Variants in BAZ2B observed in about 807,000 individuals in gnomAD.
BAZ2B encodes the protein bromodomain adjacent to zinc finger domain protein 2B.
Under a neutral mutation model 246.0 loss-of-function variants are expected in BAZ2B, and 91 were observed. The observed-to-expected ratio is 0.37, with a 90% confidence interval of 0.31 to 0.44. BAZ2B has a LOEUF of 0.44. Ranked by LOEUF, BAZ2B falls within the 20% of genes least tolerant of loss-of-function variation. BAZ2B has a pLI of 1.00. For synonymous variants in BAZ2B, 855 were observed against 860.0 expected (o/e 0.99, Z 0.10); for missense variants, 2,332 against 2,533.7 (o/e 0.92, Z 1.71).
intron 1 of BAZ2B, among the ~76,000 whole-genome samples, chr2:159,572,278 C>A (rs1684216479): frequency 6.6e-6 from 1 of 152,142 alleles, no homozygotes; most frequent in South Asian, 2.1e-4. Flanking sequence ...GAGTCTCTAG[C>A]AAATAACTGA....
chr2:159,382,284 A>C (rs1429655644), intron 25 of BAZ2B, among the ~76,000 whole-genome samples: 4 of 152,174 alleles, frequency 2.6e-5, no homozygotes, highest in Admixed American at 2.0e-4. Context: ...AAATCTGCAT[A>C]TCTCTTTGGA....
chr2:159,657,807 C>T, the BAZ2B span, among the ~76,000 whole-genome samples: 3 of 152,166 alleles, frequency 2.0e-5, no homozygotes, highest in Non-Finnish European at 2.9e-5. Flanking sequence ...ATATTCACTT[C>T]GTATCGTGCA....
Position 159,537,490 on chromosome 2 carries a change from T to G in BAZ2B, c.-3+18333A>C, listed in dbSNP as rs114049645. The stretch of plus-strand genomic sequence containing the variant: ...TCTAACTAATTGAACAGACTTTGTA[T>G]GTTTAATGAATGTTTAATAAACATT... On this transcript the variant is annotated intron_variant, in intron 2 of 36. Coordinates refer to ENST00000392783, the MANE Select transcript of BAZ2B (RefSeq NM_013450.4). 9.9e-3 allele frequency among the ~76,000 whole-genome samples: 1,511 copies of G among 152,368 alleles called. 33 individuals carry two copies. The highest frequency in any genetic ancestry group is 0.035 in the African/African-American group (1,452 of 41,574).
chr2:159,490,174 T>C (rs1414400989), intron 2 of BAZ2B, among the ~76,000 whole-genome samples: 1 of 152,204 alleles, frequency 6.6e-6, no homozygotes, highest in Admixed American at 6.5e-5. Flanking sequence ...TTGTAAATAC[T>C]AAATTTACTT....
chr2:159,628,330 A>T, the BAZ2B span, among the ~76,000 whole-genome samples: 1 of 152,236 alleles, frequency 6.6e-6, no homozygotes, highest in African/African-American at 2.4e-5. Flanking sequence ...TTTAAATTTC[A>T]TATGGAACCA....
At chr2:159,413,743 A>G (rs148157359) in intron 13 of BAZ2B, among the ~76,000 whole-genome samples, 1 of 152,272 alleles carries the variant, frequency 6.6e-6, no homozygotes, top group Non-Finnish European at 1.5e-5. Context: ...TAAACTGTTA[A>G]GAAAATTTGA....
At chr2:159,671,026 T>G in the BAZ2B span, among the ~76,000 whole-genome samples, 1 of 152,230 alleles carries the variant, frequency 6.6e-6, no homozygotes, top group Non-Finnish European at 1.5e-5. Context: ...TAAAGCAAAC[T>G]TTTCTCTGTC....
At chr2:159,454,424 C>A (rs1213280360) in intron 3 of BAZ2B, among the ~76,000 whole-genome samples, 1 of 152,194 alleles carries the variant, frequency 6.6e-6, no homozygotes, top group Non-Finnish European at 1.5e-5. Flanking sequence ...CAGTCTACCA[C>A]ACACCTAGGC....
chr2:159,421,071 A>C (rs2150047596), intron 13 of BAZ2B, among the ~76,000 whole-genome samples: 1 of 152,344 alleles, frequency 6.6e-6, no homozygotes, highest in African/African-American at 2.4e-5. Flanking sequence ...ATATGCTGAA[A>C]AGTAGCCGAT....
At chr2:159,638,487 A>T in the BAZ2B span, among the ~76,000 whole-genome samples, 1 of 152,250 alleles carries the variant, frequency 6.6e-6, no homozygotes, top group South Asian at 2.1e-4. Context: ...AGGAAGCTTC[A>T]AAGAATTCAA....
intron 1 of BAZ2B, among the ~76,000 whole-genome samples, chr2:159,566,907 G>T (rs1682736294): frequency 6.6e-6 from 1 of 152,046 alleles, no homozygotes; most frequent in African/African-American, 2.4e-5. Flanking sequence ...AGGAAACGGA[G>T]AAAGAAAAAT....
intron 1 of BAZ2B, among the ~76,000 whole-genome samples, chr2:159,581,572 G>A (rs1196580951): frequency 1.3e-5 from 2 of 152,028 alleles, no homozygotes; most frequent in African/African-American, 2.4e-5. Flanking sequence ...CCATTACTAG[G>A]TATACACCCA....
At chr2:159,349,370 C>T in intron 28 of BAZ2B, 90 bp from the exon 29 acceptor site, 1 of 1,274,128 alleles carries the variant, frequency 7.8e-7, no homozygotes, top group East Asian at 2.6e-5. Context: ...TTTCAAATTC[C>T]AAAAAATATT....
intron 14 of BAZ2B, among the ~76,000 whole-genome samples, chr2:159,409,291 T>C (rs1049876200): frequency 6.6e-6 from 1 of 152,202 alleles, no homozygotes; most frequent in African/African-American, 2.4e-5. Flanking sequence ...TTAGTGTACA[T>C]CTTAAAATAA....
the BAZ2B span, among the ~76,000 whole-genome samples, chr2:159,698,529 C>A: frequency 0.084 from 10,215 of 121,336 alleles, 469 homozygotes; most frequent in African/African-American, 0.18. Context: ...AAAAAAAAAA[C>A]AAAAAAAACA....
At chr2:159,606,122 C>T (rs757367679) in intron 1 of BAZ2B, among the ~76,000 whole-genome samples, 2 of 152,172 alleles carry the variant, frequency 1.3e-5, no homozygotes, top group Non-Finnish European at 2.9e-5. Flanking sequence ...TGCTAAAATA[C>T]TTACACTACT....
chr2:159,506,609 A>C (rs778521647), intron 2 of BAZ2B, among the ~76,000 whole-genome samples: 7 of 152,198 alleles, frequency 4.6e-5, no homozygotes, highest in Non-Finnish European at 1.0e-4. Flanking sequence ...CCAAACTTTC[A>C]GGAAGATTAC....
the BAZ2B span, among the ~76,000 whole-genome samples, chr2:159,708,003 A>T: frequency 6.6e-6 from 1 of 152,036 alleles, no homozygotes; most frequent in African/African-American, 2.4e-5. Flanking sequence ...AAAATAAATA[A>T]ATAAAAAAAA....
At chr2:159,591,982 T>A (rs545647198) in intron 1 of BAZ2B, among the ~76,000 whole-genome samples, 1 of 152,026 alleles carries the variant, frequency 6.6e-6, no homozygotes. Context: ...CAGCCAGGCA[T>A]GATGGTGGGT....
Sources: allele counts gnomAD v4.1 joint callset (sites outside exome capture counted in the v4.1 genomes callset), GRCh38; gene constraint gnomAD v4.1.1; transcripts MANE v1.5; gene names NCBI Gene and HGNC (gene_info 2026-07-23, HGNC 2026-07-21).